Variants in MAST2 observed in about 807,000 individuals in gnomAD.
MAST2 encodes microtubule associated serine/threonine kinase 2.
A neutral mutation model predicts 147.4 loss-of-function variants in MAST2; 70 were observed. The ratio of observed to expected loss-of-function variants is 0.47; its 90% CI spans 0.39 to 0.58. The LOEUF (loss-of-function observed/expected upper bound fraction) is 0.58, where lower values mean the gene tolerates loss of function less well. Among genes scored for constraint, MAST2 ranks in the 20% least tolerant of loss-of-function variants. The pLI is 0.00. For missense variants in MAST2, 2,080 were observed against 2,302.3 expected (o/e 0.90, Z 1.98); for synonymous variants, 869 against 896.8 (o/e 0.97, Z 0.55).
In MAST2 at chr1:45,899,217, AT is replaced by A. The variant is rs74946579; in HGVS notation, c.500+16830del. Among the ~76,000 whole-genome samples the A allele has an allele frequency of 5.7e-4, 87 of 151,458 alleles. No homozygotes were observed. In the East Asian group the frequency reaches 0.013, roughly 23 times the overall value. On this transcript the variant is annotated intron_variant, in intron 4 of 28. Coordinates refer to ENST00000361297, the MANE Select transcript of MAST2 (RefSeq NM_015112.3). ...CCATGAACCAAACAGCTCTTGATCA[AT>A]TTTTTTTAATTAAATTTTATTTGGA...
At chr1:45,965,511 T>C (rs1661056607) in intron 5 of MAST2, among the ~76,000 whole-genome samples, 1 of 152,174 alleles carries the variant, frequency 6.6e-6, no homozygotes, top group Non-Finnish European at 1.5e-5. Context: ...TCTTTGTTGG[T>C]TTAAAGTCTG....
intron 6 of MAST2, among the ~76,000 whole-genome samples, chr1:45,998,873 G>T (rs866115719): frequency 6.6e-6 from 1 of 151,920 alleles, no homozygotes; most frequent in Non-Finnish European, 1.5e-5. Flanking sequence ...GACTACAGGC[G>T]CCCGCCATCA....
intron 3 of MAST2, among the ~76,000 whole-genome samples, chr1:45,877,277 A>G (rs1029970202): frequency 1.3e-5 from 2 of 152,062 alleles, no homozygotes; most frequent in African/African-American, 2.4e-5. Flanking sequence ...GATTTTTTTG[A>G]GATGGGGTCT....
chr1:45,891,787 T>G (rs1451940021), intron 4 of MAST2, among the ~76,000 whole-genome samples: 4 of 152,222 alleles, frequency 2.6e-5, no homozygotes, highest in Admixed American at 6.5e-5. Flanking sequence ...TAATTTATCA[T>G]AAAGCCTTCT....
chr1:45,828,514 T>C (rs1644858300), intron 2 of MAST2, among the ~76,000 whole-genome samples: 3 of 152,210 alleles, frequency 2.0e-5, no homozygotes, highest in African/African-American at 7.2e-5. Flanking sequence ...TAAGGAGCCA[T>C]CAGAGGCTTT....
At chr1:45,940,621 A>ATT (rs372778900) in intron 4 of MAST2, among the ~76,000 whole-genome samples, 24,775 of 141,026 alleles carry the variant, frequency 0.18, 2,816 homozygotes, top group Non-Finnish European at 0.25. Flanking sequence ...AAGGTTGAGG[A>ATT]TTTTTTTTTT....
chr1:45,864,500 T>C (rs1366439929), intron 3 of MAST2, among the ~76,000 whole-genome samples: 1 of 152,230 alleles, frequency 6.6e-6, no homozygotes, highest in Non-Finnish European at 1.5e-5. Context: ...ATTTGCTTTG[T>C]CTGTACAAAG....
chr1:45,911,892 T>C (rs1350269305), intron 4 of MAST2, among the ~76,000 whole-genome samples: 1 of 130,892 alleles, frequency 7.6e-6, no homozygotes, highest in Non-Finnish European at 1.7e-5. Context: ...ATTATTATTA[T>C]TATTATTATG....
chr1:45,838,976 CT>C (rs1297137373), intron 3 of MAST2, among the ~76,000 whole-genome samples: 4 of 148,958 alleles, frequency 2.7e-5, no homozygotes, highest in Admixed American at 1.3e-4. Flanking sequence ...CATATCTTTT[CT>C]TTTTTTTTTC....
intron 22 of MAST2, 90 bp downstream of exon 22, chr1:46,030,851 T>A: frequency 1.4e-6 from 2 of 1,479,376 alleles, no homozygotes; most frequent in Admixed American, 5.1e-5. Flanking sequence ...CAGGGAGGAG[T>A]GCAGGTGGCA....
At chr1:45,828,574 A>G (rs540692247) in intron 2 of MAST2, among the ~76,000 whole-genome samples, 1 of 152,226 alleles carries the variant, frequency 6.6e-6, no homozygotes, top group Non-Finnish European at 1.5e-5. Flanking sequence ...ATCACAAGCA[A>G]AAGTGTGAAG....
chr1:45,940,444 G>A (rs937053588), intron 4 of MAST2, among the ~76,000 whole-genome samples: 1 of 151,962 alleles, frequency 6.6e-6, no homozygotes, highest in Non-Finnish European at 1.5e-5. Flanking sequence ...TGGGTTGTTT[G>A]TTGCTAGAAT....
At chr1:45,931,898 C>G (rs535368496) in intron 4 of MAST2, among the ~76,000 whole-genome samples, 8 of 152,096 alleles carry the variant, frequency 5.3e-5, no homozygotes, top group Admixed American at 2.6e-4. Flanking sequence ...GCTGTGTTGC[C>G]TAGGCTGGTC....
intron 26 of MAST2, among the ~76,000 whole-genome samples, chr1:46,033,159 G>A (rs2669156): frequency 0.67 from 102,123 of 151,614 alleles, 34,641 homozygotes; most frequent in Non-Finnish European, 0.71. Flanking sequence ...TTGTAATCCC[G>A]GCTACTCGGG....
intron 4 of MAST2, among the ~76,000 whole-genome samples, chr1:45,906,154 A>G (rs1038336151): frequency 1.3e-5 from 2 of 152,220 alleles, no homozygotes; most frequent in Non-Finnish European, 2.9e-5. Flanking sequence ...ACTGAGTTGT[A>G]CAAGTTATTT....
rs1646481265 is a variant in MAST2 at position 46,027,876 on chromosome 1, A to T, written c.2052+13A>T. On this transcript the variant is annotated intron_variant, in intron 17 of 28. Coordinates refer to ENST00000361297, the MANE Select transcript of MAST2 (RefSeq NM_015112.3). ...CCTGGACAAGCAGGTAAGGAAGGGTAGTTGATACACTGGGGGTTAAATTCT... is the reference window on the plus strand; with the variant it reads ...CCTGGACAAGCAGGTAAGGAAGGGTTGTTGATACACTGGGGGTTAAATTCT... 6.2e-7 allele frequency: 1 copy of T among 1,613,630 alleles called. No individual in the cohort carries two copies. The highest frequency in any genetic ancestry group is 1.1e-5 in the South Asian group (1 of 91,024).
At chr1:45,935,847 C>T (rs1158951770) in intron 4 of MAST2, among the ~76,000 whole-genome samples, 1 of 152,122 alleles carries the variant, frequency 6.6e-6, no homozygotes, top group Non-Finnish European at 1.5e-5. Context: ...GTTCTTTTTG[C>T]TTCTGCTTCA....
At chr1:45,902,559 GTTC>G (rs1352619021) in intron 4 of MAST2, among the ~76,000 whole-genome samples, 2 of 151,286 alleles carry the variant, frequency 1.3e-5, no homozygotes, top group African/African-American at 2.4e-5. Context: ...AAGAGGTACA[GTTC>G]TTCTTTGTAC....
chr1:45,934,900 C>T (rs928565039), intron 4 of MAST2, among the ~76,000 whole-genome samples: 3 of 152,158 alleles, frequency 2.0e-5, no homozygotes, highest in Non-Finnish European at 2.9e-5. Context: ...GACTTATTTT[C>T]CTTTGGGCAT....
Sources: gnomAD v4.1 joint callset for allele counts (sites outside exome capture counted in the v4.1 genomes callset) on GRCh38, gnomAD v4.1.1 for gene constraint, MANE v1.5 for transcripts, NCBI Gene and HGNC (gene_info 2026-07-23, HGNC 2026-07-21) for gene names.